The following PAK5 variants were observed in gnomAD, a reference collection of about 807,000 sequenced individuals.
PAK5 encodes serine/threonine-protein kinase PAK 5.
PAK5 carries 16 observed loss-of-function variants against 65.9 expected under a neutral mutation model. That is an observed-to-expected ratio of 0.24 (90% CI 0.16 to 0.37). The LOEUF (loss-of-function observed/expected upper bound fraction) is 0.37. Ranked by LOEUF, PAK5 falls within the 10% of genes least tolerant of loss-of-function variation. The pLI, the probability that PAK5 is intolerant of heterozygous loss-of-function variation, is 1.00. For missense variants in PAK5, 785 were observed against 903.9 expected (o/e 0.87, Z 1.69); for synonymous variants, 371 against 354.9 (o/e 1.05, Z -0.51).
chr20:9,572,155 T>C (rs1240649873), intron 4 of PAK5, among the ~76,000 whole-genome samples: 1 of 149,876 alleles, frequency 6.7e-6, no homozygotes, highest in Non-Finnish European at 1.5e-5. Context: ...GCAAAACGAG[T>C]TGATTATCTA....
rs1326856773 is a variant in PAK5 at position 9,839,076 on chromosome 20, C to A, written c.-476G>T. ...GCGGGAGGCAGGCTGTAGCGGCGGCCGGGGGTGGAGGTGAGGGGGAGGGTC... is the reference window on the plus strand; with the variant it reads ...GCGGGAGGCAGGCTGTAGCGGCGGCAGGGGGTGGAGGTGAGGGGGAGGGTC... On this transcript the variant is annotated 5_prime_UTR_variant, in exon 1 of 10. Transcript: ENST00000353224. 1 of 122,170 alleles carries A rather than the reference C, an allele frequency of 8.2e-6. No individual in the cohort carries two copies. The highest frequency in any genetic ancestry group is 2.7e-4 in the East Asian group (1 of 3,688). 7.6% of individuals were successfully genotyped at this position (122,170 alleles called of 1,614,324 possible).
chr20:9,743,296 G>C (rs1442593670), intron 1 of PAK5, among the ~76,000 whole-genome samples: 3 of 152,124 alleles, frequency 2.0e-5, no homozygotes, highest in Non-Finnish European at 4.4e-5. Flanking sequence ...CTTGAGCCCA[G>C]GAGGTTGAAT....
chr20:9,658,867 A>T (rs1334105655), intron 2 of PAK5, among the ~76,000 whole-genome samples: 1 of 152,166 alleles, frequency 6.6e-6, no homozygotes, highest in Non-Finnish European at 1.5e-5. Context: ...CTCCAGATAC[A>T]CTAAGAATAA....
rs557944800 is a variant in PAK5 at position 9,763,702 on chromosome 20, G to T, written c.-161-52267C>A. 6.8e-4 allele frequency among the ~76,000 whole-genome samples: 104 copies of T among 151,944 alleles called. 1 individual carries two copies. The highest frequency in any genetic ancestry group is 2.3e-3 in the African/African-American group (94 of 41,444). On this transcript the variant is annotated intron_variant, in intron 1 of 9. Transcript: ENST00000353224. ...AAAATGGAACAAACAGTATTTTCCC[G>T]TTTTTTTTATTTTGAAACATTTCAA...
rs573408229 is a variant in PAK5 at position 9,667,535 on chromosome 20, T to C, written c.-11-23196A>G. 1.1e-3 allele frequency among the ~76,000 whole-genome samples: 165 copies of C among 152,222 alleles called. 1 individual carries two copies. The highest frequency in any genetic ancestry group is 3.6e-3 in the African/African-American group (149 of 41,542). On this transcript the variant is annotated intron_variant, in intron 2 of 9. Transcript: ENST00000353224. ...AACCCTTCATCTGTTCCCACCAAGGTCTACATATGTGAAGCTATCTTGGAT... is the reference window on the plus strand; with the variant it reads ...AACCCTTCATCTGTTCCCACCAAGGCCTACATATGTGAAGCTATCTTGGAT...
chr20:9,652,695 A>G (rs1272524977), intron 2 of PAK5, among the ~76,000 whole-genome samples: 2 of 152,204 alleles, frequency 1.3e-5, no homozygotes, highest in Non-Finnish European at 2.9e-5. Context: ...GACCTGGATC[A>G]TAATTCAAAC....
At chr20:9,727,026 G>A (rs2048285206) in intron 1 of PAK5, among the ~76,000 whole-genome samples, 1 of 152,028 alleles carries the variant, frequency 6.6e-6, no homozygotes, top group Non-Finnish European at 1.5e-5. Flanking sequence ...AAGTTGTATG[G>A]CCTTTGTTTT....
At chr20:9,709,132 C>A (rs557396048) in intron 2 of PAK5, among the ~76,000 whole-genome samples, 6 of 152,166 alleles carry the variant, frequency 3.9e-5, no homozygotes, top group Admixed American at 3.3e-4. Flanking sequence ...AAAGGCCTAG[C>A]CTTTTAATGA....
rs571698657 is a variant in PAK5, at chr20:9,593,302, T to A, written c.205-12372A>T. Among the ~76,000 whole-genome samples the A allele has an allele frequency of 5.3e-5, 8 of 151,706 alleles. No homozygotes were observed. In the South Asian group the frequency reaches 1.7e-3, roughly 32 times the overall value. On this transcript the variant is annotated intron_variant, in intron 3 of 9. Transcript: ENST00000353224. ...CTGAGCAACAGAGTGAGACCCTGTA[T>A]CAAAAGAAAAAAAAAGAGTTGGTAG...
chr20:9,793,537 CAAAAG>C (rs1403371478), intron 1 of PAK5, among the ~76,000 whole-genome samples: 2 of 151,414 alleles, frequency 1.3e-5, no homozygotes, highest in Non-Finnish European at 2.9e-5. Context: ...AGACCTGTCT[CAAAAG>C]AAAACATTTA....
At chr20:9,577,352 T>G (rs1401063484) in intron 4 of PAK5, 2 of 152,092 alleles carry the variant, frequency 1.3e-5, no homozygotes, top group Admixed American at 6.5e-5. Flanking sequence ...ATCTTTTTTT[T>G]TCTTTAGGAC....
chr20:9,539,266 C>T lies in PAK5; in HGVS notation c.*196G>A, dbSNP rs943687423. ...AAAGCCGTGCTCCAAGTGACCACACCGGCTGTCAGTGGAGAGATGCCTGTT... is the reference window on the plus strand; with the variant it reads ...AAAGCCGTGCTCCAAGTGACCACACTGGCTGTCAGTGGAGAGATGCCTGTT... On this transcript the variant is annotated 3_prime_UTR_variant, in exon 10 of 10. Coordinates refer to ENST00000353224, the MANE Select transcript of PAK5 (RefSeq NM_177990.4). 5.4e-5 allele frequency: 30 copies of T among 556,730 alleles called. No homozygotes were observed. Among genetic ancestry groups the T allele is most frequent in the Non-Finnish European group, 8.1e-5 (25 of 308,402 alleles). The allele number at this position is 556,730 out of a possible 1,614,324, so 34.5% of individuals were successfully genotyped here. A position where few individuals can be genotyped will look rare whatever the true frequency, so the allele number is the denominator to read the frequency against.
chr20:9,540,015 C>T (rs367749431), intron 9 of PAK5, among the ~76,000 whole-genome samples: 5 of 152,178 alleles, frequency 3.3e-5, no homozygotes, highest in East Asian at 1.9e-4. Flanking sequence ...CTCTGTGGAA[C>T]CCCTTTCTTT....
intron 3 of PAK5, among the ~76,000 whole-genome samples, chr20:9,608,477 G>A (rs1427201011): frequency 3.3e-5 from 5 of 152,144 alleles, no homozygotes; most frequent in Non-Finnish European, 7.3e-5. Flanking sequence ...TTCCTGGTGT[G>A]GATTTGAACT....
intron 3 of PAK5, among the ~76,000 whole-genome samples, chr20:9,635,507 G>A (rs569811567): frequency 2.0e-5 from 3 of 151,960 alleles, no homozygotes; most frequent in Admixed American, 6.6e-5. Flanking sequence ...CAGATGATCT[G>A]TTTTTCCTTT....
chr20:9,785,452 A>ACAG lies in PAK5; in HGVS notation c.-162+53307_-162+53309dup, dbSNP rs2048982534. 2.6e-5 allele frequency among the ~76,000 whole-genome samples: 4 copies of ACAG among 152,214 alleles called. No individual in the cohort carries two copies. The South Asian group carries it at 8.3e-4, about 32-fold the overall frequency. ...ATGTGCTAGCTCAACTGAAAGAATC[A>ACAG]CAGCACATCTGTTTTGCCAACTTTT... On this transcript the variant is annotated intron_variant, in intron 1 of 9. Transcript: ENST00000353224.
intron 3 of PAK5, among the ~76,000 whole-genome samples, chr20:9,601,770 G>A (rs561178947): frequency 6.6e-6 from 1 of 151,924 alleles, no homozygotes; most frequent in Admixed American, 6.6e-5. Flanking sequence ...TTTGCCATCT[G>A]CCCTGAAAAA....
intron 2 of PAK5, among the ~76,000 whole-genome samples, chr20:9,708,071 T>C (rs2123479571): frequency 6.6e-6 from 1 of 152,350 alleles, no homozygotes; most frequent in South Asian, 2.1e-4. Flanking sequence ...CTTTTGGTCT[T>C]TCTCTTCCAT....
intron 3 of PAK5, among the ~76,000 whole-genome samples, chr20:9,602,706 G>A (rs908521375): frequency 2.0e-5 from 3 of 152,140 alleles, no homozygotes; most frequent in African/African-American, 7.2e-5. Flanking sequence ...TCAGTCAAAC[G>A]TGACCACAGC....
Sources: allele counts gnomAD v4.1 joint callset (sites outside exome capture counted in the v4.1 genomes callset), GRCh38; gene constraint gnomAD v4.1.1; transcripts MANE v1.5; gene names NCBI Gene and HGNC (gene_info 2026-07-23, HGNC 2026-07-21).